Variants in LRRC7 observed in about 807,000 individuals in gnomAD.
LRRC7 encodes the protein leucine rich repeat containing 7, also known as leucine-rich repeat-containing protein 7.
LRRC7 carries 23 observed loss-of-function variants against 175.7 expected under a neutral mutation model. The ratio of observed to expected loss-of-function variants is 0.13; its 90% confidence interval spans 0.09 to 0.19. The LOEUF (loss-of-function observed/expected upper bound fraction) is 0.19, where lower values mean the gene tolerates loss of function less well. Ranked by LOEUF, LRRC7 falls within the 10% of genes least tolerant of loss-of-function variation. The pLI is 1.00. For missense variants in LRRC7, 1,354 were observed against 1,904.7 expected, an observed-to-expected ratio of 0.71 and a Z score of 5.38; for synonymous variants, 685 against 680.9, an observed-to-expected ratio of 1.01 and a Z score of -0.09.
chr1:69,977,319 A>G (rs1371614523), intron 8 of LRRC7, among the ~76,000 whole-genome samples: 1 of 152,222 alleles, frequency 6.6e-6, no homozygotes, highest in Non-Finnish European at 1.5e-5. Flanking sequence ...CCCATTAAAA[A>G]TATTTTAATT....
chr1:69,885,473 C>A (rs1453706377), intron 7 of LRRC7, among the ~76,000 whole-genome samples: 1 of 143,192 alleles, frequency 7.0e-6, no homozygotes, highest in Non-Finnish European at 1.5e-5. Flanking sequence ...TCCCCTTTAT[C>A]ATTTTTTACT....
intron 7 of LRRC7, among the ~76,000 whole-genome samples, chr1:69,903,692 C>A (rs555193459): frequency 6.6e-6 from 1 of 152,172 alleles, no homozygotes; most frequent in Non-Finnish European, 1.5e-5. Context: ...ACACAAAAAA[C>A]CCTTCAAAAA....
At chr1:69,934,463 C>G (rs972785657) in intron 8 of LRRC7, among the ~76,000 whole-genome samples, 6 of 117,054 alleles carry the variant, frequency 5.1e-5, no homozygotes, top group East Asian at 2.4e-4. Flanking sequence ...ATATATTGAA[C>G]AAAGTTCTGA....
Position 70,127,180 on chromosome 1 carries a change from A to G in LRRC7, c.*5293A>G, listed in dbSNP as rs1666487519. On this transcript the variant is annotated 3_prime_UTR_variant, in exon 27 of 27. Transcript: ENST00000651989. ...GTGGGGGTGGCAATGCCTTTATAAA[A>G]CTGTTTCTGCTTCTGTTTTTAAAAT... Among the ~76,000 whole-genome samples, 1 of 152,108 alleles carries G rather than the reference A, an allele frequency of 6.6e-6. No homozygotes were observed. Among genetic ancestry groups the G allele is most frequent in the Admixed American group, 6.5e-5 (1 of 15,276 alleles).
At chr1:69,606,474 G>T (rs1251095306) in intron 1 of LRRC7, among the ~76,000 whole-genome samples, 1 of 151,576 alleles carries the variant, frequency 6.6e-6, no homozygotes, top group East Asian at 1.9e-4. Context: ...TCCTACCAAA[G>T]AAAAAAATAA....
chr1:69,717,841 A>AGAAAG (rs754934916), intron 2 of LRRC7, among the ~76,000 whole-genome samples: 1 of 19,330 alleles, frequency 5.2e-5, no homozygotes. Flanking sequence ...AAAGAAAGAA[A>AGAAAG]AAAGAAAGAA....
chr1:69,777,605 A>G, intron 3 of LRRC7, among the ~76,000 whole-genome samples: 1 of 152,092 alleles, frequency 6.6e-6, no homozygotes, highest in East Asian at 1.9e-4. Context: ...CTTGAAACCT[A>G]TCTCCTGTCC....
intron 1 of LRRC7, 75 bp from the exon 2 acceptor site, chr1:69,678,306 T>G: frequency 1.8e-6 from 2 of 1,089,136 alleles, no homozygotes; most frequent in Non-Finnish European, 2.7e-6. Context: ...GGAATTTGAA[T>G]TTTAGACCAT....
chr1:70,067,454 A>G (rs181484341), intron 23 of LRRC7, among the ~76,000 whole-genome samples: 1 of 152,146 alleles, frequency 6.6e-6, no homozygotes, highest in African/African-American at 2.4e-5. Context: ...CAATCTATTT[A>G]TCAGTTCTCT....
rs189140337 is a variant in LRRC7, at chr1:70,079,719, T to C, written c.4452+3421T>C. Among the ~76,000 whole-genome samples the C allele has an allele frequency of 9.8e-5, 15 of 152,346 alleles. No homozygotes were observed. In the East Asian group the frequency reaches 2.5e-3, roughly 25 times the overall value. ...ACACACAGGTCTGGCATCAGAGGCA[T>C]GTGACCTGTAGAGTTGCATAAGGTC... On this transcript the variant is annotated intron_variant, in intron 24 of 26. Coordinates refer to ENST00000651989, the MANE Select transcript of LRRC7 (RefSeq NM_001370785.2).
At chr1:69,754,478 TG>T (rs1450566178) in intron 2 of LRRC7, among the ~76,000 whole-genome samples, 7 of 151,980 alleles carry the variant, frequency 4.6e-5, no homozygotes, top group South Asian at 2.1e-4. Context: ...ACTAGGTCAG[TG>T]GTACTGCTGT....
In LRRC7 at chr1:70,143,185, G is replaced by T. The variant is rs1308962443; in HGVS notation, c.*21298G>T. 6.7e-6 allele frequency: 1 copy of T among 150,316 alleles called. No homozygotes were observed. Among genetic ancestry groups the T allele is most frequent in the Non-Finnish European group, 1.5e-5 (1 of 67,638 alleles). 9.3% of individuals were successfully genotyped at this position (150,316 alleles called of 1,614,324 possible). On this transcript the variant is annotated 3_prime_UTR_variant, in exon 27 of 27. Coordinates refer to ENST00000651989, the MANE Select transcript of LRRC7 (RefSeq NM_001370785.2). ...CTTTGGGTCGCTATTTTAGTAAAAT[G>T]AAGAGTCTCTAGACTTTTTTTTTTT...
At position 70,125,819 on chromosome 1, in the gene LRRC7, A is replaced by G. The variant is rs901369795; in HGVS notation, c.*3932A>G. ...AAAAAAAAAAAAAAAAAAAGAGAAGATTCAGAGGGGAGAAAACATGGAAGA... is the reference window on the plus strand; with the variant it reads ...AAAAAAAAAAAAAAAAAAAGAGAAGGTTCAGAGGGGAGAAAACATGGAAGA... On this transcript the variant is annotated 3_prime_UTR_variant, in exon 27 of 27. Transcript: ENST00000651989. Among the ~76,000 whole-genome samples, 5 of 150,020 alleles carry G rather than the reference A, an allele frequency of 3.3e-5. No homozygotes were observed. Among genetic ancestry groups the G allele is most frequent in the Non-Finnish European group, 7.4e-5 (5 of 67,510 alleles).
intron 5 of LRRC7, among the ~76,000 whole-genome samples, chr1:69,826,966 A>G (rs1003797683): frequency 1.3e-5 from 2 of 152,142 alleles, no homozygotes; most frequent in African/African-American, 2.4e-5. Context: ...GGAGATCTTT[A>G]TAGTGAATGG....
intron 3 of LRRC7, among the ~76,000 whole-genome samples, chr1:69,773,257 T>G (rs1266417492): frequency 6.6e-6 from 1 of 152,046 alleles, no homozygotes; most frequent in African/African-American, 2.4e-5. Flanking sequence ...GGACAGGAGA[T>G]CCTCAGAATG....
At chr1:69,725,713 G>A (rs191819506) in intron 2 of LRRC7, among the ~76,000 whole-genome samples, 212 of 152,270 alleles carry the variant, frequency 1.4e-3, no homozygotes, top group African/African-American at 4.5e-3. Context: ...AGGCAAGAAG[G>A]GAACTTGTCA....
At chr1:69,638,047 A>C (rs1653668650) in intron 1 of LRRC7, among the ~76,000 whole-genome samples, 1 of 151,844 alleles carries the variant, frequency 6.6e-6, no homozygotes. Context: ...GTGTCAAGAA[A>C]AGAAATTTTG....
In LRRC7 at chr1:70,142,439, TGA is replaced by T. The variant is rs1329766568; in HGVS notation, c.*20553_*20554del. On this transcript the variant is annotated 3_prime_UTR_variant, in exon 27 of 27. Transcript: ENST00000651989. ...ACACAAGCCTATTTTCTGTTTGAAA[TGA>T]AGAGAAAGGTAATTGACAGATAAAC... The T allele has an allele frequency of 6.6e-6, 1 of 152,080 alleles. No individual in the cohort carries two copies. Among genetic ancestry groups the T allele is most frequent in the Non-Finnish European group, 1.5e-5 (1 of 67,954 alleles). 9.4% of individuals were successfully genotyped at this position (152,080 alleles called of 1,614,324 possible). A position where few individuals can be genotyped will look rare whatever the true frequency, so the allele number is the denominator to read the frequency against.
chr1:70,113,818 C>G (rs992613512), intron 26 of LRRC7, among the ~76,000 whole-genome samples: 1 of 152,136 alleles, frequency 6.6e-6, no homozygotes, highest in East Asian at 1.9e-4. Context: ...ACTAAACAGG[C>G]TAAGAACTCT....
Sources: gnomAD v4.1 joint callset for allele counts (sites outside exome capture counted in the v4.1 genomes callset) on GRCh38, gnomAD v4.1.1 for gene constraint, MANE v1.5 for transcripts, NCBI Gene and HGNC (gene_info 2026-07-23, HGNC 2026-07-21) for gene names.